FMN2: variants seen among roughly 807,000 people sequenced by gnomAD.
The protein encoded by FMN2 is formin-2.
Under a neutral mutation model 142.3 loss-of-function variants are expected in FMN2, and 51 were observed. The observed-to-expected ratio is 0.36, with a 90% CI of 0.29 to 0.45. FMN2 has a LOEUF of 0.45. Ranked by LOEUF, FMN2 falls within the 20% of genes least tolerant of loss-of-function variation. The pLI is 1.00. For missense variants in FMN2, 1,936 were observed against 2,122.8 expected (o/e 0.91, Z 1.73); for synonymous variants, 882 against 869.8 (o/e 1.01, Z -0.25).
rs1176189162 is a variant in FMN2 at position 240,306,842 on chromosome 1, C to G, written c.4215+11959C>G. On this transcript the variant is annotated intron_variant, in intron 8 of 17. Coordinates refer to ENST00000319653, the MANE Select transcript of FMN2 (RefSeq NM_020066.5). The stretch of plus-strand genomic sequence containing the variant: ...ATCTCCAAACTGCTGTCCACAGTGG[C>G]TGGACTAGTTTGCATTCCCACCAAC... Among the ~76,000 whole-genome samples the G allele has an allele frequency of 2.6e-5, 4 of 152,214 alleles. No homozygotes were observed. In the East Asian group the frequency reaches 7.7e-4, roughly 29 times the overall value.
At chr1:240,333,653 T>C (rs1406485422) in intron 11 of FMN2, among the ~76,000 whole-genome samples, 1 of 152,108 alleles carries the variant, frequency 6.6e-6, no homozygotes, top group Non-Finnish European at 1.5e-5. Flanking sequence ...GTATTTACAG[T>C]TCAGACTTTG....
At chr1:240,238,023 A>C (rs563598984) in intron 6 of FMN2, among the ~76,000 whole-genome samples, 2 of 152,352 alleles carry the variant, frequency 1.3e-5, no homozygotes, top group South Asian at 4.1e-4. Flanking sequence ...CTATGAACAC[A>C]TTGTCTACAG....
At chr1:240,351,920 TATC>T (rs1258371279) in intron 13 of FMN2, among the ~76,000 whole-genome samples, 1 of 152,230 alleles carries the variant, frequency 6.6e-6, no homozygotes, top group Non-Finnish European at 1.5e-5. Context: ...ATGTGTATGA[TATC>T]ATGGATGTGT....
At chr1:240,453,391 A>G (rs917971207) in intron 16 of FMN2, among the ~76,000 whole-genome samples, 2 of 151,946 alleles carry the variant, frequency 1.3e-5, no homozygotes, top group Non-Finnish European at 2.9e-5. Context: ...AGTGAACTTC[A>G]GTTTTCTAAT....
Position 240,182,017 on chromosome 1 carries a change from A to G in FMN2, c.1930+3949A>G, listed in dbSNP as rs144364559. 4.6e-3 allele frequency among the ~76,000 whole-genome samples: 701 copies of G among 152,328 alleles called. 4 individuals carry two copies. Among genetic ancestry groups the G allele is most frequent in the African/African-American group, 0.016 (679 of 41,564 alleles). On this transcript the variant is annotated intron_variant, in intron 3 of 17. Coordinates refer to ENST00000319653, the MANE Select transcript of FMN2 (RefSeq NM_020066.5). ...TCAGAATTTCAAGACTTTCTGGCAC[A>G]TAGTATGTACTTAAATATTTGAGTG...
intron 4 of FMN2, among the ~76,000 whole-genome samples, chr1:240,200,806 A>C (rs897493451): frequency 6.6e-6 from 1 of 152,090 alleles, no homozygotes; most frequent in Non-Finnish European, 1.5e-5. Context: ...CTCTTTTTCC[A>C]TGTTCTCTTC....
intron 7 of FMN2, among the ~76,000 whole-genome samples, chr1:240,267,701 G>A (rs1222066908): frequency 6.6e-6 from 1 of 151,068 alleles, no homozygotes; most frequent in Admixed American, 6.6e-5. Flanking sequence ...TTTTGCTATA[G>A]GCTAATTGAT....
In FMN2 at chr1:240,364,829, A is replaced by G. The variant is rs79193865; in HGVS notation, c.4858+8921A>G. Among the ~76,000 whole-genome samples the G allele has an allele frequency of 1.1e-4, 16 of 152,306 alleles. No homozygotes were observed. The East Asian group carries it at 2.9e-3, about 28-fold the overall frequency. ...CAATAAACATTTACTTCACAGATGA[A>G]TGAATGAAGGAATGACTGTCAATTC... On this transcript the variant is annotated intron_variant, in intron 14 of 17. Transcript: ENST00000319653.
chr1:240,144,472 C>G (rs1663345908), intron 2 of FMN2: 2 of 1,558,076 alleles, frequency 1.3e-6, no homozygotes, highest in Admixed American at 3.3e-5. Flanking sequence ...CCAGGAACAC[C>G]CCATGCCAGC....
chr1:240,226,375 T>C (rs1034508230), intron 6 of FMN2, among the ~76,000 whole-genome samples: 1 of 152,180 alleles, frequency 6.6e-6, no homozygotes, highest in Non-Finnish European at 1.5e-5. Context: ...CAGAAGGCAG[T>C]AGGATGACAT....
Position 240,092,428 on chromosome 1 carries a change from G to T in FMN2, c.319G>T (p.Glu107Ter). 6.2e-7 allele frequency: 1 copy of T among 1,611,790 alleles called. No individual in the cohort carries two copies. Among genetic ancestry groups the T allele is most frequent in the Non-Finnish European group, 8.5e-7 (1 of 1,179,240 alleles). ...GGATTCCCAGGCCCTGCAGACCGGG[G>T]AGCTGGACAGCGCTCACTCCCTGCT... ...VLDSQALQTGELDSAHSLLTK... is the reference protein window; with the variant it reads ...VLDSQALQTG The change falls in exon 1 of 18, where the codon GAG becomes TAG. Residue 107 changes from glutamate (E) to a stop codon, truncating the protein, a stop_gained. Transcript: ENST00000319653. LOFTEE classifies it high-confidence loss of function.
chr1:240,127,876 C>A (rs764365033), intron 2 of FMN2, among the ~76,000 whole-genome samples: 1 of 152,094 alleles, frequency 6.6e-6, no homozygotes, highest in Non-Finnish European at 1.5e-5. Flanking sequence ...TAGATGGTGG[C>A]TGTAGGTTGG....
intron 7 of FMN2, among the ~76,000 whole-genome samples, chr1:240,293,872 ATTCT>A (rs1007766636): frequency 4.8e-4 from 73 of 152,256 alleles, no homozygotes; most frequent in African/African-American, 1.7e-3. Context: ...GTCTTTTTAA[ATTCT>A]TTCTTGGGAT....
chr1:240,244,910 A>T (rs896621846), intron 6 of FMN2, among the ~76,000 whole-genome samples: 2 of 152,236 alleles, frequency 1.3e-5, no homozygotes, highest in Non-Finnish European at 2.9e-5. Flanking sequence ...AGGTTTACTT[A>T]TTCAGCGGAC....
Position 240,349,954 on chromosome 1 carries a change from A to ATT in FMN2, c.4766-5851_4766-5850dup, listed in dbSNP as rs34827249. On this transcript the variant is annotated intron_variant, in intron 13 of 17. Coordinates refer to ENST00000319653, the MANE Select transcript of FMN2 (RefSeq NM_020066.5). ...AGTTTGTGAGATTGTAGTGTTCGGT[A>ATT]TTTTTTTTTTTTATTTACATAGTCA... 5.8e-3 allele frequency among the ~76,000 whole-genome samples: 846 copies of ATT among 144,728 alleles called. 3 individuals are homozygous for ATT. The highest frequency in any genetic ancestry group is 0.025 in the South Asian group (115 of 4,680). 94.9% of individuals were successfully genotyped at this position (144,728 alleles called of 152,430 possible). A position where few individuals can be genotyped will look rare whatever the true frequency, so the allele number is the denominator to read the frequency against.
At chr1:240,407,660 A>G (rs1429402940) in intron 15 of FMN2, among the ~76,000 whole-genome samples, 1 of 152,190 alleles carries the variant, frequency 6.6e-6, no homozygotes, top group Non-Finnish European at 1.5e-5. Context: ...CATATAATAA[A>G]TGCAGATTTG....
chr1:240,162,932 T>C (rs985111612), intron 2 of FMN2, among the ~76,000 whole-genome samples: 9 of 152,174 alleles, frequency 5.9e-5, no homozygotes, highest in Non-Finnish European at 8.8e-5. Context: ...TCTAAAGTTA[T>C]GGCAAATATT....
chr1:240,251,962 G>A (rs1668291151), intron 6 of FMN2, among the ~76,000 whole-genome samples: 1 of 152,158 alleles, frequency 6.6e-6, no homozygotes, highest in South Asian at 2.1e-4. Context: ...AGGCTGGAGG[G>A]CAGTGACGCT....
At chr1:240,359,649 T>A (rs1260696837) in intron 14 of FMN2, among the ~76,000 whole-genome samples, 1 of 152,218 alleles carries the variant, frequency 6.6e-6, no homozygotes, top group Admixed American at 6.5e-5. Context: ...ACCTCCTCAC[T>A]GGGAACATCT....
Sources: allele counts gnomAD v4.1 joint callset (sites outside exome capture counted in the v4.1 genomes callset), GRCh38; gene constraint gnomAD v4.1.1; transcripts MANE v1.5; gene names NCBI Gene and HGNC (gene_info 2026-07-23, HGNC 2026-07-21).